CDH12: variants seen among roughly 807,000 people sequenced by gnomAD.
CDH12 encodes cadherin-12.
In CDH12, 41 loss-of-function variants were observed where a neutral mutation model predicts 74.1. The observed-to-expected ratio is 0.55, with a 90% CI of 0.43 to 0.72. The LOEUF (loss-of-function observed/expected upper bound fraction) is 0.72. CDH12 is among the 30% of genes least tolerant of loss of function. The probability of loss-of-function intolerance (pLI) is 0.00; values close to 1 mark genes in which losing one functional copy is unlikely to be tolerated. For synonymous variants in CDH12, 399 were observed against 355.0 expected, an observed-to-expected ratio of 1.12 and a Z score of -1.39; for missense variants, 945 against 977.2, an observed-to-expected ratio of 0.97 and a Z score of 0.44.
chr5:21,781,589 T>C (rs1019411872), intron 11 of CDH12, among the ~76,000 whole-genome samples: 3 of 152,002 alleles, frequency 2.0e-5, no homozygotes, highest in Non-Finnish European at 4.4e-5. Context: ...CCAGGTGCGA[T>C]GATACATGCC....
chr5:22,682,742 G>A (rs576637802), intron 1 of CDH12, among the ~76,000 whole-genome samples: 3 of 151,690 alleles, frequency 2.0e-5, no homozygotes, highest in Non-Finnish European at 4.4e-5. Context: ...GTACACTTAG[G>A]TAAAGAATGA....
At chr5:21,971,444 G>T (rs1280454700) in intron 6 of CDH12, among the ~76,000 whole-genome samples, 1 of 152,052 alleles carries the variant, frequency 6.6e-6, no homozygotes, top group Non-Finnish European at 1.5e-5. Flanking sequence ...CATGGCACCT[G>T]ACTACTGCTT....
At chr5:22,083,230 T>C (rs1169330475) in intron 4 of CDH12, among the ~76,000 whole-genome samples, 4 of 152,196 alleles carry the variant, frequency 2.6e-5, no homozygotes, top group Non-Finnish European at 4.4e-5. Context: ...TAATATGACA[T>C]TTACGAATTT....
At chr5:22,616,560 T>A (rs951860185) in intron 1 of CDH12, among the ~76,000 whole-genome samples, 3 of 152,126 alleles carry the variant, frequency 2.0e-5, no homozygotes, top group African/African-American at 7.2e-5. Context: ...GTTGGAGGTA[T>A]TTAAAAATTA....
chr5:22,499,228 T>G (rs1485639387), intron 2 of CDH12, among the ~76,000 whole-genome samples: 2 of 152,150 alleles, frequency 1.3e-5, no homozygotes, highest in Non-Finnish European at 2.9e-5. Flanking sequence ...GTGATCTTCT[T>G]AAAAGGTAGT....
At chr5:22,048,892 T>C (rs1450140243) in intron 5 of CDH12, among the ~76,000 whole-genome samples, 1 of 152,076 alleles carries the variant, frequency 6.6e-6, no homozygotes, top group Non-Finnish European at 1.5e-5. Context: ...CACAGAACTG[T>C]ATGGTACCAG....
intron 1 of CDH12, among the ~76,000 whole-genome samples, chr5:22,765,919 C>T (rs574179537): frequency 5.3e-5 from 8 of 151,464 alleles, no homozygotes; most frequent in Admixed American, 3.3e-4. Flanking sequence ...TAAAAAAATA[C>T]GTACAAATCT....
At chr5:22,199,425 T>C (rs1020709657) in intron 4 of CDH12, among the ~76,000 whole-genome samples, 4 of 152,202 alleles carry the variant, frequency 2.6e-5, no homozygotes, top group Admixed American at 1.3e-4. Context: ...CCAAGGGTAA[T>C]GTAAACACTA....
chr5:21,955,192 C>T (rs565409505), intron 6 of CDH12, among the ~76,000 whole-genome samples: 2 of 151,900 alleles, frequency 1.3e-5, no homozygotes, highest in South Asian at 4.2e-4. Context: ...AAAATAGGCA[C>T]TTGCAAATGT....
At chr5:21,901,926 C>T (rs2150054659) in intron 6 of CDH12, among the ~76,000 whole-genome samples, 1 of 152,190 alleles carries the variant, frequency 6.6e-6, no homozygotes, top group East Asian at 1.9e-4. Flanking sequence ...ATAACAGATA[C>T]TCTATGATAA....
chr5:22,164,814 T>C (rs1748585232), intron 4 of CDH12, among the ~76,000 whole-genome samples: 1 of 143,860 alleles, frequency 7.0e-6, no homozygotes, highest in African/African-American at 2.6e-5. Context: ...GTGGATGTGG[T>C]CACCTTCCCA....
At chr5:21,779,914 A>G (rs780139769) in intron 11 of CDH12, among the ~76,000 whole-genome samples, 3 of 152,196 alleles carry the variant, frequency 2.0e-5, no homozygotes, top group Non-Finnish European at 4.4e-5. Context: ...TAGAATCTTT[A>G]ATTACCACTT....
intron 1 of CDH12, among the ~76,000 whole-genome samples, chr5:22,566,150 G>A (rs989954226): frequency 6.6e-6 from 1 of 151,994 alleles, no homozygotes; most frequent in Non-Finnish European, 1.5e-5. Context: ...TATCGTAAGG[G>A]CCTGTCACCA....
intron 1 of CDH12, among the ~76,000 whole-genome samples, chr5:22,535,060 C>G (rs1737771597): frequency 6.7e-6 from 1 of 149,498 alleles, no homozygotes; most frequent in African/African-American, 2.4e-5. Context: ...CAAGCTTCGC[C>G]TCCCGGGTTC....
chr5:22,314,818 AAGGTCATT>A (rs1345995717), intron 3 of CDH12, among the ~76,000 whole-genome samples: 1 of 152,126 alleles, frequency 6.6e-6, no homozygotes, highest in Non-Finnish European at 1.5e-5. Flanking sequence ...AGAGGAATTC[AAGGTCATT>A]AGGGTTAGAA....
At position 21,755,835 on chromosome 5, in the gene CDH12, T is replaced by C. The variant is rs151084481; in HGVS notation, c.1641A>G (p.Thr547=). 28,042 of 1,613,996 alleles carry C rather than the reference T, an allele frequency of 0.017. 322 individuals are homozygous for C. The highest frequency in any genetic ancestry group is 0.021 in the Non-Finnish European group (24,318 of 1,179,866). ...CATTTCTTCGGGTTTCAATCCCCGC[T>C]GTGTTGTCTACAAAACATGACATTT... ...NFTVRDFRNN[T]AGIETRRNGY... is the part of the protein sequence containing the mutation. Residue 547 remains threonine (T), a synonymous_variant, in exon 14 of 15, where the codon ACA becomes ACG. Transcript: ENST00000382254.
chr5:22,660,465 C>T (rs918971055), intron 1 of CDH12, among the ~76,000 whole-genome samples: 2 of 152,214 alleles, frequency 1.3e-5, no homozygotes, highest in Non-Finnish European at 2.9e-5. Flanking sequence ...GAAAATTATA[C>T]ATATTAGCTC....
At chr5:22,733,655 T>C (rs1744546557) in intron 1 of CDH12, among the ~76,000 whole-genome samples, 1 of 151,882 alleles carries the variant, frequency 6.6e-6, no homozygotes, top group African/African-American at 2.4e-5. Flanking sequence ...CCCAAGTCCG[T>C]GAAATGAACA....
At chr5:21,876,391 T>G (rs1424855227) in intron 6 of CDH12, among the ~76,000 whole-genome samples, 4 of 152,202 alleles carry the variant, frequency 2.6e-5, no homozygotes, top group African/African-American at 4.8e-5. Context: ...CTCTACAATC[T>G]TGTTCATATT....
Sources: gnomAD v4.1 joint callset for allele counts (sites outside exome capture counted in the v4.1 genomes callset) on GRCh38, gnomAD v4.1.1 for gene constraint, MANE v1.5 for transcripts, NCBI Gene and HGNC (gene_info 2026-07-23, HGNC 2026-07-21) for gene names.